Variants in PHRF1 observed in about 807,000 individuals in gnomAD.
PHRF1 encodes the protein PHD and RING finger domain-containing protein 1.
A neutral mutation model predicts 128.9 loss-of-function variants in PHRF1; 53 were observed. The ratio of observed to expected loss-of-function variants is 0.41; its 90% CI spans 0.33 to 0.52. The LOEUF (loss-of-function observed/expected upper bound fraction) is 0.52, where lower values mean the gene tolerates loss of function less well. Ranked by LOEUF, PHRF1 falls within the 20% of genes least tolerant of loss-of-function variation. PHRF1 has a pLI of 0.21. For synonymous variants in PHRF1, 1,178 were observed against 980.6 expected (o/e 1.20, Z -3.76); for missense variants, 2,503 against 2,284.5 (o/e 1.10, Z -1.95).
At chr11:582,594 G>A (rs1589858314) in intron 3 of PHRF1, among the ~76,000 whole-genome samples, 1 of 151,524 alleles carries the variant, frequency 6.6e-6, no homozygotes, top group South Asian at 2.1e-4. Flanking sequence ...GCGCGATCTC[G>A]GCTCACTGCA....
At chr11:581,657 T>C in intron 2 of PHRF1, 51 bp downstream of exon 2, 1 of 1,521,202 alleles carries the variant, frequency 6.6e-7, no homozygotes, top group South Asian at 1.2e-5. Flanking sequence ...GCAGGGTGCC[T>C]GGTGTTTCCC....
Position 611,640 on chromosome 11 carries a change from C to T in PHRF1, c.4813C>T (p.His1605Tyr). The change falls in exon 18 of 18, where the codon CAC becomes TAC. Residue 1605 changes from histidine to tyrosine, a missense_variant. Coordinates refer to ENST00000264555, the MANE Select transcript of PHRF1 (RefSeq NM_001286581.2). ...ILRKAVQKICHSKSGEINPVK... is the reference protein window; with the variant it reads ...ILRKAVQKICYSKSGEINPVK... Reference sequence around the variant, plus strand: ...ATTGCACCTCTTTCTCCAGATCTGCCACAGCAAGAGTGGAGAGATCAACCC... The same window carrying T: ...ATTGCACCTCTTTCTCCAGATCTGCTACAGCAAGAGTGGAGAGATCAACCC... The T allele has an allele frequency of 6.2e-7, 1 of 1,613,018 alleles. No individual in the cohort carries two copies. The highest frequency in any genetic ancestry group is 8.5e-7 in the Non-Finnish European group (1 of 1,179,834).
chr11:588,387 T>C lies in PHRF1; in HGVS notation c.420+923T>C, dbSNP rs1053282862. On this transcript the variant is annotated intron_variant, in intron 4 of 17. Coordinates refer to ENST00000264555, the MANE Select transcript of PHRF1 (RefSeq NM_001286581.2). ...CAGACTTAGACTTTTCTTTTTTTTT[T>C]TGTTTTTTTGAGACGGAGTTTTGTT... is the stretch of plus-strand genomic sequence containing the variant. Among the ~76,000 whole-genome samples, 5 of 152,126 alleles carry C rather than the reference T, an allele frequency of 3.3e-5. No homozygotes were observed. The East Asian group carries it at 9.6e-4, about 29-fold the overall frequency.
At position 609,782 on chromosome 11, in the gene PHRF1, G is replaced by A. The variant is rs60556309; in HGVS notation, c.4264+62G>A. The A allele has an allele frequency of 8.6e-4, 1,033 of 1,199,530 alleles. 55 individuals are homozygous for A. The African/African-American group carries it at 0.013, about 15-fold the overall frequency. The allele number at this position is 1,199,530 out of a possible 1,614,324, so 74.3% of individuals were successfully genotyped here. A position where few individuals can be genotyped will look rare whatever the true frequency, so the allele number is the denominator to read the frequency against. On this transcript the variant is annotated intron_variant, in intron 14 of 17. Coordinates refer to ENST00000264555, the MANE Select transcript of PHRF1 (RefSeq NM_001286581.2). ...CCCAGTGAGTAAGGCCCTGGCCCCC[G>A]CCGAGGACAGAGCCCCCCGTGAGTA...
At position 608,923 on chromosome 11, in the gene PHRF1, G is replaced by A. The variant is rs777964508; in HGVS notation, c.3467G>A (p.Arg1156Gln). ...AGGAAGGAGAGTGTGGCGTGGCCCC[G>A]AGACCGGAGGAAGCGGAGGTCCCGG... Reference protein sequence around the residue: ...PDRKESVAWPRDRRKRRSRSP... With the variant: ...PDRKESVAWPQDRRKRRSRSP... The change falls in exon 14 of 18, where the codon CGA (arginine) becomes CAA (glutamine). Residue 1156 changes from arginine (R) to glutamine (Q), a missense_variant. By Grantham distance (43) the Arg-to-Gln change is conservative (BLOSUM62 1). Coordinates refer to ENST00000264555, the MANE Select transcript of PHRF1 (RefSeq NM_001286581.2). The A allele has an allele frequency of 8.1e-6, 13 of 1,611,898 alleles. No individual in the cohort carries two copies. The highest frequency in any genetic ancestry group is 3.3e-5 in the South Asian group (3 of 91,036).
At position 608,957 on chromosome 11, in the gene PHRF1, C is replaced by T; in HGVS notation, c.3501C>T (p.Ser1167=). ...GGAAGCGGAGGTCCCGGTCCCCAAG[C>T]TCGGAGCACAGGGCACGGGAGCACA... ...DRRKRRSRSP[S]SEHRAREHRR... Residue 1167 remains serine, a synonymous_variant, in exon 14 of 18, where the codon AGC becomes AGT. Transcript: ENST00000264555. 1 of 1,610,190 alleles carries T rather than the reference C, an allele frequency of 6.2e-7. No individual in the cohort carries two copies. The highest frequency in any genetic ancestry group is 8.5e-7 in the Non-Finnish European group (1 of 1,179,098).
intron 4 of PHRF1, among the ~76,000 whole-genome samples, chr11:589,076 C>T (rs7107379): frequency 0.039 from 5,871 of 151,258 alleles, 386 homozygotes; most frequent in African/African-American, 0.13. Flanking sequence ...TTGGAGGTTG[C>T]AGTGAGCTGA....
rs996592879 is a variant in PHRF1 at position 610,293 on chromosome 11, C to A, written c.4362C>A (p.Pro1454=). The A allele has an allele frequency of 1.9e-6, 3 of 1,563,594 alleles. No homozygotes were observed. The Admixed American group carries it at 5.6e-5, about 29-fold the overall frequency. The change falls in exon 15 of 18, where the codon CCC becomes CCA. Residue 1454 remains proline (P), a synonymous_variant. Coordinates refer to ENST00000264555, the MANE Select transcript of PHRF1 (RefSeq NM_001286581.2). ...TCAGGCAGGTGTTCTCCGAGCTGCCCTTTCCCAGTCACGTGCTTCCGGAAC... is the reference window on the plus strand; with the variant it reads ...TCAGGCAGGTGTTCTCCGAGCTGCCATTTCCCAGTCACGTGCTTCCGGAAC... ...TGVRQVFSEL[P]FPSHVLPEPG... is the part of the protein sequence containing the mutation.
At chr11:583,890 G>A (rs985088797) in intron 3 of PHRF1, among the ~76,000 whole-genome samples, 2 of 152,192 alleles carry the variant, frequency 1.3e-5, no homozygotes, top group African/African-American at 4.8e-5. Context: ...GAGGGAGGCC[G>A]AGCTCAGGCT....
intron 6 of PHRF1, among the ~76,000 whole-genome samples, chr11:595,984 C>G (rs1003475151): frequency 1.3e-5 from 2 of 152,182 alleles, no homozygotes; most frequent in African/African-American, 4.8e-5. Flanking sequence ...TCTTGTATGG[C>G]CCTAGCAAGG....
In PHRF1 at chr11:608,168, G is replaced by C; in HGVS notation, c.2712G>C (p.Lys904Asn). Residue 904 changes from lysine (K) to asparagine (N), a missense_variant, in exon 14 of 18, where the codon AAG becomes AAC. Transcript: ENST00000264555. ...PPLGPSSAMS[K>N]LRGAVAAEGA... Reference sequence around the variant, plus strand: ...TCGGACCGTCCTCCGCCATGTCCAAGCTCCGGGGTGCAGTGGCTGCCGAGG... The same window carrying C: ...TCGGACCGTCCTCCGCCATGTCCAACCTCCGGGGTGCAGTGGCTGCCGAGG... 6.2e-7 allele frequency: 1 copy of C among 1,610,652 alleles called. No individual in the cohort carries two copies. Among genetic ancestry groups the C allele is most frequent in the Non-Finnish European group, 8.5e-7 (1 of 1,179,832 alleles).
chr11:580,151 T>G (rs531837245), intron 1 of PHRF1, among the ~76,000 whole-genome samples: 1 of 152,352 alleles, frequency 6.6e-6, no homozygotes, highest in South Asian at 2.1e-4. Flanking sequence ...CCGGCTTCAC[T>G]GCCTCGCTGG....
intron 10 of PHRF1, among the ~76,000 whole-genome samples, chr11:603,111 A>AT (rs1279928084): frequency 6.6e-6 from 1 of 151,916 alleles, no homozygotes; most frequent in East Asian, 1.9e-4. Flanking sequence ...CTGAAGTGCA[A>AT]TGGCTCAATC....
At position 578,842 on chromosome 11, in the gene PHRF1, C is replaced by T. The variant is rs190685423; in HGVS notation, c.-22+2250C>T. ...CTGGGATTACAAGCATGAGCCACCACGCCCGGCTGATTCACATTTTTTTTT... is the reference window on the plus strand; with the variant it reads ...CTGGGATTACAAGCATGAGCCACCATGCCCGGCTGATTCACATTTTTTTTT... On this transcript the variant is annotated intron_variant, in intron 1 of 17. Transcript: ENST00000264555. Among the ~76,000 whole-genome samples the T allele has an allele frequency of 1.9e-3, 295 of 152,254 alleles. 2 individuals carry two copies. The highest frequency in any genetic ancestry group is 2.3e-3 in the Non-Finnish European group (159 of 68,020).
Position 601,456 on chromosome 11 carries a change from G to A in PHRF1, c.1025-118G>A, listed in dbSNP as rs375354847. On this transcript the variant is annotated intron_variant, in intron 9 of 17. Transcript: ENST00000264555. ...AAAAAAAAAAAAAAAATTGCAAGCC[G>A]GTGCGTGTGGTCCCGCTGTACCGGC... is the stretch of plus-strand genomic sequence containing the variant. 71 of 1,364,348 alleles carry A rather than the reference G, an allele frequency of 5.2e-5. No individual in the cohort carries two copies. In the East Asian group the frequency reaches 6.1e-4, roughly 12 times the overall value. The allele number at this position is 1,364,348 out of a possible 1,614,324, so 84.5% of individuals were successfully genotyped here.
rs1308756729 is a variant in PHRF1, at chr11:597,086, G to A, written c.718+66G>A. 4.6e-6 allele frequency: 7 copies of A among 1,523,048 alleles called. No individual in the cohort carries two copies. The East Asian group carries it at 1.2e-4, about 26-fold the overall frequency. The allele number at this position is 1,523,048 out of a possible 1,614,324, so 94.3% of individuals were successfully genotyped here. ...CTCACTGTCCACTCTGCGGTCCCCG[G>A]GGTTAGGTTTGGCTGCTGTGTGGGG... On this transcript the variant is annotated intron_variant, in intron 7 of 17. Coordinates refer to ENST00000264555, the MANE Select transcript of PHRF1 (RefSeq NM_001286581.2). The surrounding 1 kb of genome is among the most constrained non-coding windows in gnomAD (Gnocchi z 6.5).
At chr11:584,381 A>C (rs1017551643) in intron 3 of PHRF1, among the ~76,000 whole-genome samples, 2 of 152,196 alleles carry the variant, frequency 1.3e-5, no homozygotes, top group Non-Finnish European at 2.9e-5. Flanking sequence ...CGGGAGCCTC[A>C]GCAGGGCCCC....
At chr11:587,019 C>T (rs1486919038) in intron 3 of PHRF1, among the ~76,000 whole-genome samples, 5 of 152,204 alleles carry the variant, frequency 3.3e-5, no homozygotes, top group African/African-American at 1.2e-4. Flanking sequence ...GCACTCAGGA[C>T]GCTCAGCTTC....
rs561388348 is a variant in PHRF1, at chr11:579,612, C to T, written c.-21-1880C>T. On this transcript the variant is annotated intron_variant, in intron 1 of 17. Transcript: ENST00000264555. ...GTGTCTCTAGGATTCAGGTGCGGGA[C>T]GAGCAGGGCGTCTCTGCGGAGTTGC... 1.5e-4 allele frequency among the ~76,000 whole-genome samples: 23 copies of T among 152,304 alleles called. No individual in the cohort carries two copies. In the South Asian group the frequency reaches 2.5e-3, roughly 16 times the overall value.
Sources: allele counts gnomAD v4.1 joint callset (sites outside exome capture counted in the v4.1 genomes callset), GRCh38; gene constraint gnomAD v4.1.1; non-coding constraint Gnocchi (gnomAD v3.1); transcripts MANE v1.5; gene names NCBI Gene and HGNC (gene_info 2026-07-23, HGNC 2026-07-21).